The following CCDC93 variants were observed in gnomAD, a reference collection of about 807,000 sequenced individuals.
The protein encoded by CCDC93 is coiled-coil domain-containing protein 93.
A neutral mutation model predicts 108.2 loss-of-function variants in CCDC93; 61 were observed. That is an observed-to-expected ratio of 0.56 (90% confidence interval 0.46 to 0.70). The LOEUF (loss-of-function observed/expected upper bound fraction) is 0.70. CCDC93 is among the 30% of genes least tolerant of loss of function. The pLI, the probability that CCDC93 is intolerant of heterozygous loss-of-function variation, is 0.00. For synonymous variants in CCDC93, 276 were observed against 260.4 expected, an observed-to-expected ratio of 1.06 and a Z score of -0.58; for missense variants, 685 against 764.2, an observed-to-expected ratio of 0.90 and a Z score of 1.22.
chr2:118,004,380 T>G (rs1489327513), intron 3 of CCDC93, among the ~76,000 whole-genome samples: 1 of 152,216 alleles, frequency 6.6e-6, no homozygotes, highest in East Asian at 1.9e-4. Flanking sequence ...TAGAAGCTTA[T>G]GGAACTCTCA....
At position 118,014,003 on chromosome 2, in the gene CCDC93, C is replaced by G; in HGVS notation, c.-8G>C. The G allele has an allele frequency of 6.3e-7, 1 of 1,594,138 alleles. No individual in the cohort carries two copies. The highest frequency in any genetic ancestry group is 8.5e-7 in the Non-Finnish European group (1 of 1,171,842). On this transcript the variant is annotated 5_prime_UTR_variant, in exon 1 of 24. Transcript: ENST00000376300. ...CCCCCTGGGCAACCCCATGATCCGA[C>G]CGGGCTGTCGTAAGGCGAGAGCGAA... is the stretch of plus-strand genomic sequence containing the variant.
At chr2:117,940,633 TG>T (rs1678670644) in intron 19 of CCDC93, among the ~76,000 whole-genome samples, 2 of 152,176 alleles carry the variant, frequency 1.3e-5, no homozygotes, top group South Asian at 4.1e-4. Context: ...CTGCAGCTAA[TG>T]GTCATTTAGC....
intron 3 of CCDC93, among the ~76,000 whole-genome samples, chr2:118,003,437 T>C (rs747588299): frequency 9.2e-5 from 14 of 152,350 alleles, no homozygotes; most frequent in Admixed American, 2.6e-4. Flanking sequence ...TTTTGCTCAA[T>C]GCAGGTCCCA....
chr2:117,989,242 T>C (rs997417714), intron 6 of CCDC93, among the ~76,000 whole-genome samples: 1 of 152,222 alleles, frequency 6.6e-6, no homozygotes, highest in African/African-American at 2.4e-5. Context: ...GGGCTCTTCA[T>C]AGGTCTCTGA....
At chr2:117,932,586 C>T (rs987312353) in intron 22 of CCDC93, among the ~76,000 whole-genome samples, 2 of 152,226 alleles carry the variant, frequency 1.3e-5, no homozygotes, top group Non-Finnish European at 2.9e-5. Flanking sequence ...GCCTGGTGCA[C>T]ACCCATGCTA....
chr2:118,000,692 G>A, intron 4 of CCDC93, 129 bp downstream of exon 4: 1 of 616,438 alleles, frequency 1.6e-6, no homozygotes, highest in Non-Finnish European at 2.9e-6. Flanking sequence ...ACCATGTTCT[G>A]CTGTACCAAA....
chr2:117,982,214 T>C (rs953467305), intron 7 of CCDC93, among the ~76,000 whole-genome samples: 1 of 152,062 alleles, frequency 6.6e-6, no homozygotes, highest in Non-Finnish European at 1.5e-5. Flanking sequence ...TCCAGCATTC[T>C]GGTGGCTGTG....
intron 7 of CCDC93, among the ~76,000 whole-genome samples, chr2:117,979,107 C>T (rs994831538): frequency 2.0e-5 from 3 of 152,188 alleles, no homozygotes; most frequent in African/African-American, 7.2e-5. Context: ...GCTTCACTCC[C>T]CACACTCTTC....
intron 8 of CCDC93, 115 bp downstream of exon 8, chr2:117,977,877 TCA>T: frequency 1.1e-6 from 1 of 897,258 alleles, no homozygotes; most frequent in South Asian, 1.4e-5. Context: ...CAAAGGCAGC[TCA>T]CACATCCCTG....
chr2:117,941,400 T>G, intron 18 of CCDC93, 103 bp from the exon 19 acceptor site: 1 of 812,642 alleles, frequency 1.2e-6, no homozygotes, highest in Non-Finnish European at 2.1e-6. Flanking sequence ...AGCCCAACCA[T>G]GCGCCCTACA....
chr2:117,977,450 T>C (rs2104787306), intron 8 of CCDC93, among the ~76,000 whole-genome samples: 1 of 151,980 alleles, frequency 6.6e-6, no homozygotes, highest in African/African-American at 2.4e-5. Context: ...ACAGAAAGAG[T>C]TTAGCACCAT....
At chr2:117,924,350 G>A (rs1337105557) in intron 23 of CCDC93, among the ~76,000 whole-genome samples, 3 of 152,086 alleles carry the variant, frequency 2.0e-5, no homozygotes, top group South Asian at 4.1e-4. Context: ...GAGGAAGTTC[G>A]AACCCATGGC....
At position 117,944,007 on chromosome 2, in the gene CCDC93, G is replaced by A. The variant is rs760329090; in HGVS notation, c.1413+17C>T. The A allele has an allele frequency of 6.4e-7, 1 of 1,556,860 alleles. No homozygotes were observed. The highest frequency in any genetic ancestry group is 1.4e-5 in the African/African-American group (1 of 72,628). ...GTTAGAAGCATTTATGCATATTTTT[G>A]TCCTTCTTTTACTCACCTGTAGTAA... On this transcript the variant is annotated intron_variant, in intron 18 of 23. Coordinates refer to ENST00000376300, the MANE Select transcript of CCDC93 (RefSeq NM_019044.5).
chr2:117,940,297 G>T (rs1224591429), intron 19 of CCDC93, among the ~76,000 whole-genome samples: 1 of 152,156 alleles, frequency 6.6e-6, no homozygotes, highest in East Asian at 1.9e-4. Context: ...GGGGTGGGGT[G>T]CCTAGAATAG....
At chr2:117,995,727 C>G in intron 5 of CCDC93, 1 of 479,958 alleles carries the variant, frequency 2.1e-6, no homozygotes. Flanking sequence ...AAAAGGGGGT[C>G]ATAAGGAATA....
At chr2:117,973,151 C>G (rs889465182) in intron 11 of CCDC93, among the ~76,000 whole-genome samples, 7 of 152,084 alleles carry the variant, frequency 4.6e-5, no homozygotes, top group Non-Finnish European at 7.4e-5. Flanking sequence ...TGTGCAATCA[C>G]TTCAGAAGAA....
At chr2:117,925,690 A>C (rs28837774) in intron 23 of CCDC93, among the ~76,000 whole-genome samples, 18 of 152,314 alleles carry the variant, frequency 1.2e-4, no homozygotes, top group African/African-American at 4.1e-4. Flanking sequence ...TTAACACCCC[A>C]CTGTCAACAT....
At chr2:117,973,823 T>A (rs1679844151) in intron 11 of CCDC93, 85 bp downstream of exon 11, 4 of 1,024,660 alleles carry the variant, frequency 3.9e-6, no homozygotes, top group Non-Finnish European at 4.5e-6. Flanking sequence ...CACGGGGCAC[T>A]GCTGGGGTAG....
chr2:117,985,839 T>C, intron 7 of CCDC93, 130 bp downstream of exon 7: 1 of 603,744 alleles, frequency 1.7e-6, no homozygotes, highest in Non-Finnish European at 3.0e-6. Context: ...GAAAAGTCCC[T>C]GATGTTGGAA....
Sources: allele counts gnomAD v4.1 joint callset (sites outside exome capture counted in the v4.1 genomes callset), GRCh38; gene constraint gnomAD v4.1.1; transcripts MANE v1.5; gene names NCBI Gene and HGNC (gene_info 2026-07-23, HGNC 2026-07-21).